The following VPS53 variants were observed in gnomAD, a reference collection of about 807,000 sequenced individuals.
The protein encoded by VPS53 is vacuolar protein sorting-associated protein 53 homolog.
VPS53 carries 70 observed loss-of-function variants against 107.0 expected under a neutral mutation model. The ratio of observed to expected loss-of-function variants is 0.65; its 90% CI spans 0.54 to 0.80. The LOEUF is 0.80. Ranked by LOEUF, VPS53 falls within the 30% of genes least tolerant of loss-of-function variation. The pLI is 0.00. For missense variants in VPS53, 917 were observed against 1,049.4 expected, an observed-to-expected ratio of 0.87 and a Z score of 1.74; for synonymous variants, 409 against 393.3, an observed-to-expected ratio of 1.04 and a Z score of -0.47.
chr17:550,615 T>A (rs574817576), intron 17 of VPS53, among the ~76,000 whole-genome samples: 2 of 152,318 alleles, frequency 1.3e-5, no homozygotes, highest in East Asian at 3.9e-4. Context: ...TGCAGCTGCA[T>A]GTTACTTGGG....
At chr17:710,093 C>T (rs557057888) in intron 2 of VPS53, among the ~76,000 whole-genome samples, 7 of 152,126 alleles carry the variant, frequency 4.6e-5, no homozygotes, top group South Asian at 4.2e-4. Flanking sequence ...TGCAGTGAGC[C>T]GAGACCGCGC....
chr17:565,464 C>T (rs1423680304), intron 13 of VPS53, among the ~76,000 whole-genome samples: 1 of 148,508 alleles, frequency 6.7e-6, no homozygotes, highest in African/African-American at 2.5e-5. Flanking sequence ...TATCCAGATA[C>T]AACCACTCTG....
intron 11 of VPS53, among the ~76,000 whole-genome samples, chr17:607,455 T>C (rs1968639176): frequency 1.3e-5 from 2 of 152,204 alleles, no homozygotes; most frequent in South Asian, 2.1e-4. Flanking sequence ...GAGGGCTACA[T>C]TACTGCTCAG....
In VPS53 at chr17:515,799, A is replaced by C. The variant is rs1416606286; in HGVS notation, c.*3329T>G. On this transcript the variant is annotated 3_prime_UTR_variant, in exon 22 of 22. Transcript: ENST00000437048. ...CTGGGCATGGTCCCCACCACCACCA[A>C]AAGTCTTTTTTTTTTAACTGAGTCT... 1.3e-5 allele frequency: 2 copies of C among 149,062 alleles called. No homozygotes were observed. The highest frequency in any genetic ancestry group is 3.0e-5 in the Non-Finnish European group (2 of 66,866). The allele number at this position is 149,062 out of a possible 1,614,324, so 9.2% of individuals were successfully genotyped here.
chr17:527,016 G>A (rs1909170239), intron 19 of VPS53, among the ~76,000 whole-genome samples: 1 of 152,230 alleles, frequency 6.6e-6, no homozygotes, highest in South Asian at 2.1e-4. Context: ...GATGGAACAA[G>A]GTGGACACAT....
At chr17:657,556 T>C in intron 5 of VPS53, 2 of 1,074,300 alleles carry the variant, frequency 1.9e-6, no homozygotes, top group Non-Finnish European at 2.9e-6. Flanking sequence ...ATGGCTGCAT[T>C]AGGCAAGGAA....
intron 4 of VPS53, among the ~76,000 whole-genome samples, chr17:672,108 T>TCACACACACA (rs1392614940): frequency 1.8e-3 from 54 of 30,298 alleles, no homozygotes; most frequent in African/African-American, 4.2e-3. Flanking sequence ...ATGATGAGGG[T>TCACACACACA]GACACACACA....
At chr17:581,516 C>A (rs1397998556) in intron 13 of VPS53, among the ~76,000 whole-genome samples, 1 of 151,590 alleles carries the variant, frequency 6.6e-6, no homozygotes, top group Non-Finnish European at 1.5e-5. Context: ...CAACCTACTG[C>A]GTTCCCAGAG....
At chr17:548,747 G>A (rs1034525840) in intron 17 of VPS53, among the ~76,000 whole-genome samples, 2 of 152,244 alleles carry the variant, frequency 1.3e-5, no homozygotes, top group African/African-American at 4.8e-5. Context: ...AAGTACAGGA[G>A]TAGCCTGAGG....
chr17:525,601 G>A (rs1405492290), intron 19 of VPS53, among the ~76,000 whole-genome samples: 14 of 152,072 alleles, frequency 9.2e-5, no homozygotes, highest in Admixed American at 8.5e-4. Context: ...GGCTGAGGTG[G>A]GAAGATGGCT....
At chr17:629,812 CA>C (rs1567689872) in intron 8 of VPS53, among the ~76,000 whole-genome samples, 24 of 8,272 alleles carry the variant, frequency 2.9e-3, no homozygotes, top group Non-Finnish European at 3.9e-3. Context: ...AAAAAAACCA[CA>C]CACACACACA....
At chr17:622,229 C>CA (rs1969497952) in intron 11 of VPS53, among the ~76,000 whole-genome samples, 1 of 151,392 alleles carries the variant, frequency 6.6e-6, no homozygotes, top group Non-Finnish European at 1.5e-5. Flanking sequence ...AATGAAAAAA[C>CA]AAAAAAATAA....
In VPS53 at chr17:586,339, T is replaced by C. The variant is rs369165415; in HGVS notation, c.1244A>G (p.Asn415Ser). The C allele has an allele frequency of 4.3e-6, 7 of 1,614,036 alleles. No homozygotes were observed. In the African/African-American group the frequency reaches 5.3e-5, roughly 12 times the overall value. Residue 415 changes from asparagine to serine, a missense_variant, in exon 13 of 22, where the codon AAT becomes AGT. Physicochemically the swap from Asn to Ser is conservative, Grantham distance 46. Transcript: ENST00000437048. ...DQPKKPKAPD[N>S]PFHGIVSKCF... is the part of the protein sequence containing the mutation. The stretch of plus-strand genomic sequence containing the variant: ...CTTGGAAACAATGCCATGAAATGGA[T>C]TGTCTGGGGCTTTAGGCTTCTTTGG...
intron 18 of VPS53, chr17:536,292 G>C (rs1365005270): frequency 6.6e-6 from 1 of 152,082 alleles, no homozygotes; most frequent in Non-Finnish European, 1.5e-5. Flanking sequence ...AGTATGAATA[G>C]ATAAATTCTA....
chr17:604,381 A>G (rs1166318719), intron 11 of VPS53, among the ~76,000 whole-genome samples: 1 of 152,222 alleles, frequency 6.6e-6, no homozygotes, highest in Non-Finnish European at 1.5e-5. Context: ...AAGAAAACGC[A>G]GAGGGTAGGA....
chr17:670,508 T>C (rs936822903), intron 4 of VPS53, among the ~76,000 whole-genome samples: 2 of 152,230 alleles, frequency 1.3e-5, no homozygotes, highest in Non-Finnish European at 2.9e-5. Context: ...GTATGGAACC[T>C]GGCACAGACT....
chr17:584,358 C>T (rs1261190765), intron 13 of VPS53, among the ~76,000 whole-genome samples: 3 of 152,150 alleles, frequency 2.0e-5, no homozygotes, highest in Admixed American at 2.0e-4. Context: ...CCCCCTCACG[C>T]ACACAACGGA....
intron 12 of VPS53, among the ~76,000 whole-genome samples, chr17:598,431 G>A (rs973037596): frequency 2.0e-5 from 3 of 151,782 alleles, no homozygotes; most frequent in Non-Finnish European, 4.4e-5. Context: ...CATCATCTGG[G>A]ATGTGAGGAG....
intron 9 of VPS53, 70 bp from the exon 10 acceptor site, chr17:627,386 A>C (rs894928609): frequency 6.5e-7 from 1 of 1,528,714 alleles, no homozygotes; most frequent in Non-Finnish European, 8.8e-7. Context: ...GGAAACAAGC[A>C]AAAACACAGA....
Sources: gnomAD v4.1 joint callset for allele counts (sites outside exome capture counted in the v4.1 genomes callset) on GRCh38, gnomAD v4.1.1 for gene constraint, MANE v1.5 for transcripts, NCBI Gene and HGNC (gene_info 2026-07-23, HGNC 2026-07-21) for gene names.